The following HPRT1 variants were observed in gnomAD, a reference collection of about 807,000 sequenced individuals.
HPRT1 encodes the protein hypoxanthine-guanine phosphoribosyltransferase.
HPRT1 carries 4 observed loss-of-function variants against 19.0 expected under a neutral mutation model. The observed-to-expected ratio is 0.21, with a 90% CI of 0.10 to 0.48. The LOEUF is 0.48. Ranked by LOEUF, HPRT1 falls within the 20% of genes least tolerant of loss-of-function variation. The probability of loss-of-function intolerance (pLI) is 0.98; values close to 1 mark genes in which losing one functional copy is unlikely to be tolerated. For missense variants in HPRT1, 65 were observed against 164.0 expected (o/e 0.40, Z 3.30); for synonymous variants, 53 against 54.9 (o/e 0.97, Z 0.15).
chrX:134,487,849 T>C (rs1376727014), intron 4 of HPRT1, among the ~76,000 whole-genome samples: 1 of 111,516 alleles, frequency 9.0e-6, no homozygotes, highest in Non-Finnish European at 1.9e-5. Context: ...TTGTCCATAT[T>C]TAGAAGCTGT....
At chrX:134,476,385 G>T (rs990264349) in intron 3 of HPRT1, among the ~76,000 whole-genome samples, 2 of 112,135 alleles carry the variant, frequency 1.8e-5, no homozygotes, top group Non-Finnish European at 3.8e-5. Flanking sequence ...CTACCCATAA[G>T]CTCCTTTTAA....
intron 1 of HPRT1, among the ~76,000 whole-genome samples, chrX:134,469,128 A>T (rs1264259977): frequency 9.0e-6 from 1 of 110,963 alleles, no homozygotes; most frequent in Non-Finnish European, 1.9e-5. Context: ...CCCATTGCCA[A>T]GTTCTGACAA....
At chrX:134,466,288 G>T (rs1189525725) in intron 1 of HPRT1, among the ~76,000 whole-genome samples, 1 of 109,399 alleles carries the variant, frequency 9.1e-6, no homozygotes, top group Non-Finnish European at 1.9e-5. Context: ...TGTGGTAGCG[G>T]GCTCCTGTCA....
intron 3 of HPRT1, among the ~76,000 whole-genome samples, chrX:134,476,524 A>G (rs1372302700): frequency 8.9e-6 from 1 of 112,040 alleles, no homozygotes; most frequent in Admixed American, 9.6e-5. Flanking sequence ...TAGTCATTAT[A>G]GCTGCTGGCA....
rs763693519 is a variant in HPRT1, at chrX:134,498,383, T to C, written c.486-7T>C. 8.4e-7 allele frequency: 1 copy of C among 1,193,727 alleles called. No individual in the cohort carries two copies. Among genetic ancestry groups the C allele is most frequent in the African/African-American group, 1.7e-5 (1 of 57,144 alleles). On this transcript the variant is annotated splice_polypyrimidine_tract_variant and splice_region_variant and intron_variant, in intron 6 of 8. Transcript: ENST00000298556. ...GTATGTTATATGTCACATTTTGTAA[T>C]TAACAGCTTGCTGGTGAAAAGGACC... is the stretch of plus-strand genomic sequence containing the variant.
chrX:134,481,574 G>A (rs2077640741), intron 3 of HPRT1, among the ~76,000 whole-genome samples: 1 of 107,390 alleles, frequency 9.3e-6, no homozygotes, highest in Admixed American at 1.0e-4. Context: ...GCAAATTCAT[G>A]CCCTTCTCCT....
intron 3 of HPRT1, among the ~76,000 whole-genome samples, chrX:134,482,293 G>A (rs1158827825): frequency 9.0e-6 from 1 of 111,155 alleles, no homozygotes; most frequent in Non-Finnish European, 1.9e-5. Context: ...GGGCTTAAGC[G>A]ATCCTCCCAC....
At chrX:134,467,178 G>T (rs760168387) in intron 1 of HPRT1, among the ~76,000 whole-genome samples, 3 of 106,657 alleles carry the variant, frequency 2.8e-5, no homozygotes, top group Non-Finnish European at 5.7e-5. Context: ...GGCCTCCCAA[G>T]TAACTGGGAC....
At chrX:134,485,411 A>T (rs2077650154) in intron 3 of HPRT1, among the ~76,000 whole-genome samples, 1 of 111,415 alleles carries the variant, frequency 9.0e-6, no homozygotes, top group African/African-American at 3.3e-5. Context: ...TACGGATGTT[A>T]AAAAAAATTC....
intron 1 of HPRT1, among the ~76,000 whole-genome samples, chrX:134,460,980 T>C (rs1238127086): frequency 9.0e-6 from 1 of 111,311 alleles, no homozygotes; most frequent in African/African-American, 3.3e-5. Context: ...TGTGCTAGAA[T>C]CCAGATTCCA....
At chrX:134,490,609 G>A (rs968126170) in intron 5 of HPRT1, among the ~76,000 whole-genome samples, 2 of 107,240 alleles carry the variant, frequency 1.9e-5, no homozygotes, top group South Asian at 8.5e-4. Flanking sequence ...ATGTGCTAAA[G>A]TATTTTGTAT....
intron 3 of HPRT1, among the ~76,000 whole-genome samples, chrX:134,477,430 A>G (rs1477250107): frequency 9.0e-6 from 1 of 111,118 alleles, no homozygotes. Context: ...ACATGTTTTA[A>G]CTATACAATT....
chrX:134,464,218 G>A (rs778839809), intron 1 of HPRT1, among the ~76,000 whole-genome samples: 8 of 112,285 alleles, frequency 7.1e-5, no homozygotes, highest in Non-Finnish European at 1.5e-4. Context: ...CCTCAGAAGG[G>A]AAGGCAAGCA....
intron 5 of HPRT1, chrX:134,492,582 G>A: frequency 3.1e-6 from 1 of 326,720 alleles, no homozygotes; most frequent in South Asian, 2.7e-5. Flanking sequence ...CTGGCCAGGG[G>A]TTGCTCCCAG....
At chrX:134,482,007 G>A (rs1236689097) in intron 3 of HPRT1, among the ~76,000 whole-genome samples, 1 of 112,018 alleles carries the variant, frequency 8.9e-6, no homozygotes, top group African/African-American at 3.2e-5. Context: ...ATGTTTGAAT[G>A]TTTGAAAATA....
At chrX:134,467,793 T>TAA (rs1481922215) in intron 1 of HPRT1, among the ~76,000 whole-genome samples, 1 of 109,278 alleles carries the variant, frequency 9.2e-6, no homozygotes, top group East Asian at 2.8e-4. Flanking sequence ...CCATAACACT[T>TAA]AACCTGTATC....
At chrX:134,464,362 A>T (rs2077591666) in intron 1 of HPRT1, among the ~76,000 whole-genome samples, 1 of 111,655 alleles carries the variant, frequency 9.0e-6, no homozygotes. Flanking sequence ...TCCTGAGTTA[A>T]CACAAATTAT....
Position 134,500,258 on chromosome X carries a change from G to T in HPRT1, c.*181G>T. On this transcript the variant is annotated 3_prime_UTR_variant, in exon 9 of 9. Transcript: ENST00000298556. The stretch of plus-strand genomic sequence containing the variant: ...TGCTGCATTCCTAAACTGTTTATTT[G>T]CACTATGAGCCTATAGACTATCAGT... 2.2e-6 allele frequency: 1 copy of T among 445,658 alleles called. No individual in the cohort carries two copies. Among genetic ancestry groups the T allele is most frequent in the Non-Finnish European group, 3.9e-6 (1 of 254,355 alleles). 36.7% of individuals were successfully genotyped at this position (445,658 alleles called of 1,213,427 possible).
At chrX:134,477,395 G>A (rs1334293082) in intron 3 of HPRT1, among the ~76,000 whole-genome samples, 1 of 110,566 alleles carries the variant, frequency 9.0e-6, no homozygotes, top group Admixed American at 9.8e-5. Flanking sequence ...CTTTACTGGG[G>A]TATATTTTAT....
Sources: allele counts gnomAD v4.1 joint callset (sites outside exome capture counted in the v4.1 genomes callset), GRCh38; gene constraint gnomAD v4.1.1; transcripts MANE v1.5; gene names NCBI Gene and HGNC (gene_info 2026-07-23, HGNC 2026-07-21).